The following KAZN variants were observed in gnomAD, a reference collection of about 807,000 sequenced individuals.
KAZN encodes the protein kazrin.
KAZN carries 40 observed loss-of-function variants against 87.4 expected under a neutral mutation model. The observed-to-expected ratio is 0.46, with a 90% confidence interval of 0.36 to 0.60. KAZN has a LOEUF of 0.60. Among genes scored for constraint, KAZN ranks in the 20% least tolerant of loss-of-function variants. KAZN has a pLI of 0.00. For missense variants in KAZN, 898 were observed against 1,073.9 expected (o/e 0.84, Z 2.29); for synonymous variants, 466 against 458.3 (o/e 1.02, Z -0.22).
chr1:14,643,299 T>C (rs907649993), intron 1 of KAZN, among the ~76,000 whole-genome samples: 3 of 152,200 alleles, frequency 2.0e-5, no homozygotes, highest in African/African-American at 4.8e-5. Flanking sequence ...ATAGTTATCC[T>C]TTCTGCTCCT....
chr1:14,628,767 A>C (rs533857790), intron 1 of KAZN, among the ~76,000 whole-genome samples: 1 of 152,158 alleles, frequency 6.6e-6, no homozygotes, highest in African/African-American at 2.4e-5. Flanking sequence ...GTCAGCTGCA[A>C]TCTTGCTACC....
At chr1:14,924,731 G>A (rs1000755939) in intron 1 of KAZN, among the ~76,000 whole-genome samples, 20 of 152,078 alleles carry the variant, frequency 1.3e-4, no homozygotes, top group Non-Finnish European at 7.4e-5. Context: ...GGGTGCAGCG[G>A]GAGGCGTGCG....
intron 1 of KAZN, among the ~76,000 whole-genome samples, chr1:14,698,511 C>G (rs1330224657): frequency 6.6e-6 from 1 of 152,234 alleles, no homozygotes; most frequent in Non-Finnish European, 1.5e-5. Context: ...CACTGCCCCT[C>G]CCATGTGGGC....
intron 1 of KAZN, among the ~76,000 whole-genome samples, chr1:14,648,088 G>A (rs1680944781): frequency 6.6e-6 from 1 of 152,162 alleles, no homozygotes; most frequent in African/African-American, 2.4e-5. Flanking sequence ...TCTCATCACA[G>A]AAGCACAGAA....
chr1:14,730,919 A>G (rs1643650152), intron 1 of KAZN, among the ~76,000 whole-genome samples: 1 of 151,944 alleles, frequency 6.6e-6, no homozygotes, highest in Non-Finnish European at 1.5e-5. Context: ...CCAGATGCCC[A>G]CTCTTGGGCA....
At chr1:13,972,520 G>C (rs544927806) in intron 1 of KAZN, among the ~76,000 whole-genome samples, 14 of 152,258 alleles carry the variant, frequency 9.2e-5, no homozygotes, top group Middle Eastern at 3.4e-3. Flanking sequence ...TATCTATCCA[G>C]AGCTCTATGA....
chr1:14,130,919 T>A (rs1644979421), intron 1 of KAZN, among the ~76,000 whole-genome samples: 1 of 152,194 alleles, frequency 6.6e-6, no homozygotes, highest in South Asian at 2.1e-4. Context: ...TGTTTAATAC[T>A]ATGCAAGCAG....
intron 1 of KAZN, among the ~76,000 whole-genome samples, chr1:14,133,033 G>A (rs1645023450): frequency 6.6e-6 from 1 of 152,170 alleles, no homozygotes; most frequent in African/African-American, 2.4e-5. Flanking sequence ...ATCTTGTGAT[G>A]TGACCCTTGA....
intron 2 of KAZN, among the ~76,000 whole-genome samples, chr1:14,564,371 T>A (rs1308582745): frequency 2.0e-5 from 3 of 152,150 alleles, no homozygotes; most frequent in African/African-American, 7.2e-5. Context: ...TAGGTTTAAA[T>A]CTCAGCCTCA....
chr1:14,955,337 C>G (rs943196096), intron 1 of KAZN, among the ~76,000 whole-genome samples: 2 of 152,206 alleles, frequency 1.3e-5, no homozygotes, highest in Admixed American at 6.5e-5. Context: ...ACAGGTGAGG[C>G]CACCGAGGCC....
intron 1 of KAZN, among the ~76,000 whole-genome samples, chr1:13,981,393 A>T (rs1638700704): frequency 6.6e-6 from 1 of 151,476 alleles, no homozygotes; most frequent in African/African-American, 2.4e-5. Flanking sequence ...TTAATATTAC[A>T]GTGAGCTGGC....
chr1:13,939,527 A>G (rs1196353147), intron 1 of KAZN, among the ~76,000 whole-genome samples: 1 of 152,230 alleles, frequency 6.6e-6, no homozygotes, highest in Non-Finnish European at 1.5e-5. Flanking sequence ...CCAGTCTCTA[A>G]GAAGTTCCAA....
intron 1 of KAZN, among the ~76,000 whole-genome samples, chr1:14,832,909 T>A (rs1647092087): frequency 6.6e-6 from 1 of 152,242 alleles, no homozygotes; most frequent in East Asian, 1.9e-4. Flanking sequence ...CTCATTCCTT[T>A]AGGGCTTGTC....
chr1:14,834,287 C>T lies in KAZN; in HGVS notation c.227-126397C>T, dbSNP rs190839858. 4.3e-3 allele frequency among the ~76,000 whole-genome samples: 653 copies of T among 151,684 alleles called. 7 individuals are homozygous for T. Among genetic ancestry groups the T allele is most frequent in the African/African-American group, 0.015 (608 of 41,320 alleles). ...CTGACCTCAGGCGATCCACCTACCTCGGCCTCCCAAAGTTCTGGGATTACA... is the reference window on the plus strand; with the variant it reads ...CTGACCTCAGGCGATCCACCTACCTTGGCCTCCCAAAGTTCTGGGATTACA... On this transcript the variant is annotated intron_variant, in intron 1 of 14. Transcript: ENST00000376030.
intron 1 of KAZN, among the ~76,000 whole-genome samples, chr1:14,715,990 G>A (rs983500498): frequency 1.3e-5 from 2 of 152,190 alleles, no homozygotes; most frequent in African/African-American, 4.8e-5. Context: ...ACTGTGGTCA[G>A]CAAATAAAAG....
rs912605464 is a variant in KAZN at position 14,538,892 on chromosome 1, A to G, written c.250-60091A>G. Among the ~76,000 whole-genome samples, 4 of 152,310 alleles carry G rather than the reference A, an allele frequency of 2.6e-5. No individual in the cohort carries two copies. The East Asian group carries it at 7.7e-4, about 29-fold the overall frequency. On this transcript the variant is annotated intron_variant, in intron 2 of 16. Transcript: ENST00000636203. The stretch of plus-strand genomic sequence containing the variant: ...CACCATTCACAGGGACTCTTTCTAC[A>G]TGGAATGGGGTCCTGGGTGCCCCTT...
At chr1:14,169,576 C>A (rs1645907184) in intron 1 of KAZN, among the ~76,000 whole-genome samples, 1 of 152,262 alleles carries the variant, frequency 6.6e-6, no homozygotes, top group South Asian at 2.1e-4. Flanking sequence ...TCCCAGTGAG[C>A]CCCCAATGCT....
At chr1:13,911,179 AC>A (rs1420439809) in intron 1 of KAZN, among the ~76,000 whole-genome samples, 2 of 152,082 alleles carry the variant, frequency 1.3e-5, no homozygotes, top group African/African-American at 4.8e-5. Context: ...CTCCCAAGCA[AC>A]TGGAGTTACA....
At chr1:14,174,980 T>C (rs140443575) in intron 1 of KAZN, among the ~76,000 whole-genome samples, 1 of 152,294 alleles carries the variant, frequency 6.6e-6, no homozygotes, top group Non-Finnish European at 1.5e-5. Flanking sequence ...ATGGCAAAAC[T>C]TAACATCAGT....
Sources: allele counts gnomAD v4.1 joint callset (sites outside exome capture counted in the v4.1 genomes callset), GRCh38; gene constraint gnomAD v4.1.1; transcripts MANE v1.5; gene names NCBI Gene and HGNC (gene_info 2026-07-23, HGNC 2026-07-21).